The following CNTNAP3B variants were observed in gnomAD, a reference collection of about 807,000 sequenced individuals.
The protein encoded by CNTNAP3B is contactin-associated protein-like 3B.
Under a neutral mutation model 108.9 loss-of-function variants are expected in CNTNAP3B, and 25 were observed. The observed-to-expected ratio is 0.23, with a 90% CI of 0.17 to 0.32. The LOEUF is 0.32. Among genes scored for constraint, CNTNAP3B ranks in the 10% least tolerant of loss-of-function variants. CNTNAP3B has a pLI of 1.00. For synonymous variants in CNTNAP3B, 103 were observed against 473.4 expected, an observed-to-expected ratio of 0.22 and a Z score of 10.16; for missense variants, 252 against 1,210.4, an observed-to-expected ratio of 0.21 and a Z score of 11.75.
chr9:42,059,915 A>G (rs1473295732), intron 3 of CNTNAP3B, among the ~76,000 whole-genome samples: 1 of 144,486 alleles, frequency 6.9e-6, no homozygotes, highest in African/African-American at 2.7e-5. Flanking sequence ...AGTTCTAATA[A>G]TTTTTTGTTG....
chr9:42,036,012 G>A (rs1264184256), intron 3 of CNTNAP3B, among the ~76,000 whole-genome samples: 1 of 146,704 alleles, frequency 6.8e-6, no homozygotes, highest in Non-Finnish European at 1.5e-5. Flanking sequence ...GGAGGCTGAG[G>A]CAGGAGAATC....
intron 10 of CNTNAP3B, among the ~76,000 whole-genome samples, chr9:41,966,609 A>T (rs1260552505): frequency 6.6e-6 from 1 of 152,284 alleles, no homozygotes; most frequent in Non-Finnish European, 1.5e-5. Flanking sequence ...AAGCTCTGCC[A>T]TGTGGTATAC....
intron 2 of CNTNAP3B, among the ~76,000 whole-genome samples, chr9:42,095,606 A>G (rs1475200795): frequency 7.3e-6 from 1 of 137,912 alleles, no homozygotes; most frequent in East Asian, 2.2e-4. Context: ...TCACAAACTC[A>G]TGAGGGAAAA....
Position 42,049,417 on chromosome 9 carries a change from G to A in CNTNAP3B, c.390+27452C>T, listed in dbSNP as rs1451832822. ...TTTTTCCAGACTCTTTTGCCAATTT[G>A]TTAGCATTTATGTAGCCAAATCCTC... On this transcript the variant is annotated intron_variant, in intron 3 of 23. Transcript: ENST00000377561. 3.0e-5 allele frequency among the ~76,000 whole-genome samples: 4 copies of A among 133,764 alleles called. 1 individual carries two copies. In the East Asian group the frequency reaches 9.2e-4, roughly 31 times the overall value. The allele number at this position is 133,764 out of a possible 152,430, so 87.8% of individuals were successfully genotyped here.
In CNTNAP3B at chr9:42,089,920, A is replaced by T. The variant is rs1433368909; in HGVS notation, c.197-12858T>A. On this transcript the variant is annotated intron_variant, in intron 2 of 23. Transcript: ENST00000377561. ...TGCACGTGAGAGTTCATGGTTTTCAATATATAAAGCCCGTTTGAATCATTA... is the reference window on the plus strand; with the variant it reads ...TGCACGTGAGAGTTCATGGTTTTCATTATATAAAGCCCGTTTGAATCATTA... Among the ~76,000 whole-genome samples the T allele has an allele frequency of 2.9e-5, 4 of 139,336 alleles. 1 individual carries two copies. The highest frequency in any genetic ancestry group is 5.7e-5 in the African/African-American group (2 of 35,374). The allele number at this position is 139,336 out of a possible 152,430, so 91.4% of individuals were successfully genotyped here.
chr9:42,116,695 G>A (rs1196970484), intron 1 of CNTNAP3B, among the ~76,000 whole-genome samples: 1 of 139,804 alleles, frequency 7.2e-6, no homozygotes, highest in Non-Finnish European at 1.5e-5. Flanking sequence ...AATGTAAATA[G>A]GCTAAATCCT....
intron 15 of CNTNAP3B, among the ~76,000 whole-genome samples, chr9:41,925,312 G>A (rs1357300745): frequency 1.3e-5 from 2 of 152,140 alleles, no homozygotes; most frequent in East Asian, 1.9e-4. Context: ...AGCTTTTCTC[G>A]GCTAGGCGCA....
At chr9:42,111,525 C>A (rs1238920444) in intron 1 of CNTNAP3B, among the ~76,000 whole-genome samples, 2 of 137,984 alleles carry the variant, frequency 1.4e-5, no homozygotes, top group Admixed American at 7.2e-5. Context: ...AAGAATGAGG[C>A]CAGTTGTAGA....
chr9:41,930,581 A>G (rs1234218371), intron 14 of CNTNAP3B, among the ~76,000 whole-genome samples: 1 of 151,832 alleles, frequency 6.6e-6, no homozygotes, highest in Non-Finnish European at 1.5e-5. Flanking sequence ...CCAAACACTC[A>G]GCGCTCACCT....
intron 1 of CNTNAP3B, among the ~76,000 whole-genome samples, chr9:42,128,512 A>G (rs913437867): frequency 2.9e-5 from 4 of 138,144 alleles, no homozygotes; most frequent in Non-Finnish European, 6.2e-5. Flanking sequence ...AGTTTCGCCT[A>G]CAGGCACTCT....
intron 12 of CNTNAP3B, among the ~76,000 whole-genome samples, chr9:41,959,294 A>C (rs1483232627): frequency 6.6e-6 from 1 of 152,054 alleles, no homozygotes; most frequent in Non-Finnish European, 1.5e-5. Flanking sequence ...GAAATTGCAC[A>C]TTTTATAATC....
intron 1 of CNTNAP3B, among the ~76,000 whole-genome samples, chr9:42,127,021 C>T (rs1308752748): frequency 7.2e-6 from 1 of 138,860 alleles, no homozygotes; most frequent in East Asian, 2.2e-4. Context: ...TCCTTATTGA[C>T]TTTCTTCTTG....
Position 42,013,461 on chromosome 9 carries a change from G to C in CNTNAP3B, c.455C>G (p.Ala152Gly), listed in dbSNP as rs1432539177. 1.8e-5 allele frequency: 8 copies of C among 434,962 alleles called. 1 individual carries two copies. Among genetic ancestry groups the C allele is most frequent in the South Asian group, 1.3e-4 (5 of 39,732 alleles). The allele number at this position is 434,962 out of a possible 1,614,324, so 26.9% of individuals were successfully genotyped here. Residue 152 changes from alanine (A) to glycine (G), a missense_variant, in exon 4 of 24, where the codon GCC (alanine) becomes GGC (glycine). By Grantham distance (60) the Ala-to-Gly change is moderately conservative. Coordinates refer to ENST00000377561, the MANE Select transcript of CNTNAP3B (RefSeq NM_001201380.3). ...TAAAGGGAGAAAGCGCAGGAACCTG[G>C]CTTCAAAGGGAGGCTGGAGTCTGTA... ...VHYRLQPPFE[A>G]RFLRFLPLAW...
At chr9:41,964,064 G>A (rs1329647570) in intron 11 of CNTNAP3B, among the ~76,000 whole-genome samples, 6 of 152,266 alleles carry the variant, frequency 3.9e-5, no homozygotes, top group African/African-American at 1.2e-4. Flanking sequence ...CAAAAATCTT[G>A]CCATGTACAA....
At position 42,061,238 on chromosome 9, in the gene CNTNAP3B, C is replaced by T. The variant is rs1295776638; in HGVS notation, c.390+15631G>A. Among the ~76,000 whole-genome samples, 4 of 102,452 alleles carry T rather than the reference C, an allele frequency of 3.9e-5. No individual in the cohort carries two copies. In the South Asian group the frequency reaches 9.9e-4, roughly 25 times the overall value. 67.2% of individuals were successfully genotyped at this position (102,452 alleles called of 152,430 possible). On this transcript the variant is annotated intron_variant, in intron 3 of 23. Transcript: ENST00000377561. ...TTGTCTAAAGACATTTTAAAATTTC[C>T]CTTTAAATTTCTTCTTTGACCCACT...
intron 13 of CNTNAP3B, among the ~76,000 whole-genome samples, chr9:41,952,400 G>A (rs548503225): frequency 2.0e-5 from 3 of 152,246 alleles, no homozygotes; most frequent in East Asian, 1.9e-4. Flanking sequence ...ATACTATTTG[G>A]GATTGCTAAA....
intron 13 of CNTNAP3B, among the ~76,000 whole-genome samples, chr9:41,952,299 G>A (rs1587137867): frequency 6.6e-6 from 1 of 152,158 alleles, no homozygotes; most frequent in Non-Finnish European, 1.5e-5. Flanking sequence ...TTAAGACAAG[G>A]TGTTGCTCTG....
intron 12 of CNTNAP3B, among the ~76,000 whole-genome samples, chr9:41,954,207 G>A (rs1239437951): frequency 3.3e-5 from 5 of 152,226 alleles, no homozygotes; most frequent in African/African-American, 7.2e-5. Flanking sequence ...AAAATTTTCC[G>A]AACTGGAGAA....
At chr9:42,096,093 C>A (rs935166474) in intron 2 of CNTNAP3B, among the ~76,000 whole-genome samples, 2 of 139,866 alleles carry the variant, frequency 1.4e-5, no homozygotes, top group Admixed American at 1.4e-4. Context: ...TCACCGGCCA[C>A]CAGAGCTGCC....
Sources: gnomAD v4.1 joint callset for allele counts (sites outside exome capture counted in the v4.1 genomes callset) on GRCh38, gnomAD v4.1.1 for gene constraint, MANE v1.5 for transcripts, NCBI Gene and HGNC (gene_info 2026-07-23, HGNC 2026-07-21) for gene names.